Variants in CXCL16 observed in about 807,000 individuals in gnomAD.
CXCL16 encodes C-X-C motif chemokine ligand 16.
Under a neutral mutation model 23.8 loss-of-function variants are expected in CXCL16, and 18 were observed. The ratio of observed to expected loss-of-function variants is 0.76; its 90% confidence interval spans 0.52 to 1.12. The LOEUF (loss-of-function observed/expected upper bound fraction) is 1.12, where lower values mean the gene tolerates loss of function less well. Among genes scored for constraint, CXCL16 ranks in the 50% most tolerant of loss-of-function variants. CXCL16 has a pLI of 0.00. For missense variants in CXCL16, 297 were observed against 315.4 expected, an observed-to-expected ratio of 0.94 and a Z score of 0.44; for synonymous variants, 123 against 132.5, an observed-to-expected ratio of 0.93 and a Z score of 0.49.
At position 4,739,243 on chromosome 17, in the gene CXCL16, G is replaced by C. The variant is rs372669540; in HGVS notation, c.79+18C>G. 2 of 1,581,176 alleles carry C rather than the reference G, an allele frequency of 1.3e-6. No homozygotes were observed. On this transcript the variant is annotated intron_variant, in intron 1 of 5. Coordinates refer to ENST00000293778, the MANE Select transcript of CXCL16 (RefSeq NM_001386809.1). This position sits in a 1 kb window ranked among gnomAD's most constrained non-coding sequence, Gnocchi z 5.3. ...CGTGACAGGGGAATCTGGGTCCCCT[G>C]CCCCGCCCCCGGCTAACCTGGCTGA...
rs902336385 is a variant in CXCL16 at position 4,739,745 on chromosome 17, C to A, written c.-406G>T. ...TCAGGAGGCCGCCCGCCTGGCCCGT[C>A]CGCCGACCTGTGAGGCGGCTGCACT... is the stretch of plus-strand genomic sequence containing the variant. On this transcript the variant is annotated 5_prime_UTR_variant, in exon 1 of 6. Transcript: ENST00000293778. This position sits in a 1 kb window ranked among gnomAD's most constrained non-coding sequence, Gnocchi z 5.3. The A allele has an allele frequency of 9.4e-7, 1 of 1,067,888 alleles. No individual in the cohort carries two copies. Among genetic ancestry groups the A allele is most frequent in the African/African-American group, 1.7e-5 (1 of 59,592 alleles). The allele number at this position is 1,067,888 out of a possible 1,614,324, so 66.2% of individuals were successfully genotyped here.
In CXCL16 at chr17:4,739,830, C is replaced by A; in HGVS notation, c.-491G>T. The stretch of plus-strand genomic sequence containing the variant: ...CTTCCCCGATCCGGGCGCCGCGGGA[C>A]CCAGCCGCGCTGCATGAGCCTCCCG... On this transcript the variant is annotated 5_prime_UTR_variant, in exon 1 of 6. Coordinates refer to ENST00000293778, the MANE Select transcript of CXCL16 (RefSeq NM_001386809.1). The surrounding 1 kb of genome is among the most constrained non-coding windows in gnomAD (Gnocchi z 5.3). 1.0e-6 allele frequency: 1 copy of A among 992,440 alleles called. No homozygotes were observed. The highest frequency in any genetic ancestry group is 1.2e-6 in the Non-Finnish European group (1 of 834,258). 61.5% of individuals were successfully genotyped at this position (992,440 alleles called of 1,614,324 possible).
At chr17:4,735,778 C>G (rs115290412) in intron 3 of CXCL16, among the ~76,000 whole-genome samples, 3 of 152,010 alleles carry the variant, frequency 2.0e-5, no homozygotes, top group African/African-American at 2.4e-5. Flanking sequence ...GCTGTATAGA[C>G]GTATGATTGG....
Position 4,735,196 on chromosome 17 carries a change from G to A in CXCL16, c.614C>T (p.Thr205Ile), listed in dbSNP as rs777151047. ...NAGPTARTSA[T>I]VPVLCLLAII... is the part of the protein sequence containing the mutation. ...GGCCAGGAGGCACAGGACTGGCACTGTGGCTGATGTCCTGGCTGTGGGACC... is the reference window on the plus strand; with the variant it reads ...GGCCAGGAGGCACAGGACTGGCACTATGGCTGATGTCCTGGCTGTGGGACC... The change falls in exon 4 of 6, where the codon ACA (threonine) becomes ATA (isoleucine). Residue 205 changes from threonine to isoleucine, a missense_variant. Thr to Ile is a moderately conservative substitution (Grantham distance 89, BLOSUM62 -1). Coordinates refer to ENST00000293778, the MANE Select transcript of CXCL16 (RefSeq NM_001386809.1). 32 of 1,614,170 alleles carry A rather than the reference G, an allele frequency of 2.0e-5. No homozygotes were observed. Among genetic ancestry groups the A allele is most frequent in the Non-Finnish European group, 2.7e-5 (32 of 1,180,008 alleles).
chr17:4,734,792 A>G (rs1916101785), intron 4 of CXCL16, 140 bp from the exon 5 acceptor site: 4 of 783,158 alleles, frequency 5.1e-6, no homozygotes, highest in Non-Finnish European at 6.6e-6. Flanking sequence ...AAAATTTGTG[A>G]ATTGAATGAC....
In CXCL16 at chr17:4,738,511, C is replaced by A. The variant is rs753324129; in HGVS notation, c.219-21G>T. On this transcript the variant is annotated intron_variant, in intron 2 of 5. Transcript: ENST00000293778. The surrounding 1 kb of genome is among the most constrained non-coding windows in gnomAD (Gnocchi z 4.0). ...GGAACCTGCGGAGGAGAGACCTGGG[C>A]TTAGCTGCGGCGCCTTCTTTCCTTC... 1 of 1,586,960 alleles carries A rather than the reference C, an allele frequency of 6.3e-7. No individual in the cohort carries two copies. Among genetic ancestry groups the A allele is most frequent in the Non-Finnish European group, 8.6e-7 (1 of 1,157,490 alleles).
intron 3 of CXCL16, among the ~76,000 whole-genome samples, chr17:4,737,355 A>C (rs1916183374): frequency 1.4e-5 from 2 of 146,466 alleles, no homozygotes; most frequent in Admixed American, 7.6e-5. Context: ...AGGCAGGTGG[A>C]TCACCTGAGG....
Position 4,739,890 on chromosome 17 carries a change from G to A in CXCL16, c.-551C>T, listed in dbSNP as rs1916302532. 2.0e-6 allele frequency: 2 copies of A among 985,486 alleles called. No individual in the cohort carries two copies. The highest frequency in any genetic ancestry group is 2.4e-6 in the Non-Finnish European group (2 of 830,198). 61.0% of individuals were successfully genotyped at this position (985,486 alleles called of 1,614,324 possible). A position where few individuals can be genotyped will look rare whatever the true frequency, so the allele number is the denominator to read the frequency against. ...GTGGAGAGAGTCGCCGCCAGCCCCG[G>A]CCGCGCGCACCTGCGGGGCAGCCAC... On this transcript the variant is annotated 5_prime_UTR_variant, in exon 1 of 6. Coordinates refer to ENST00000293778, the MANE Select transcript of CXCL16 (RefSeq NM_001386809.1). The surrounding 1 kb of genome is among the most constrained non-coding windows in gnomAD (Gnocchi z 5.3).
chr17:4,739,194 C>T lies in CXCL16; in HGVS notation c.79+67G>A. ...CCACTCAACTCCGTGGGCCTCGTGT[C>T]CCCTCCCCAACTCACCCCCTTCCCG... On this transcript the variant is annotated intron_variant, in intron 1 of 5. Coordinates refer to ENST00000293778, the MANE Select transcript of CXCL16 (RefSeq NM_001386809.1). The surrounding 1 kb of genome is among the most constrained non-coding windows in gnomAD (Gnocchi z 5.3). 2.0e-6 allele frequency: 3 copies of T among 1,533,240 alleles called. No homozygotes were observed. The highest frequency in any genetic ancestry group is 2.6e-6 in the Non-Finnish European group (3 of 1,132,254). 95.0% of individuals were successfully genotyped at this position (1,533,240 alleles called of 1,614,324 possible). A position where few individuals can be genotyped will look rare whatever the true frequency, so the allele number is the denominator to read the frequency against.
Position 4,739,881 on chromosome 17 carries a change from C to T in CXCL16, c.-542G>A. ...GGCGGCCCGGTGGAGAGAGTCGCCG[C>T]CAGCCCCGGCCGCGCGCACCTGCGG... On this transcript the variant is annotated 5_prime_UTR_variant, in exon 1 of 6. Coordinates refer to ENST00000293778, the MANE Select transcript of CXCL16 (RefSeq NM_001386809.1). The surrounding 1 kb of genome is among the most constrained non-coding windows in gnomAD (Gnocchi z 5.3). The T allele has an allele frequency of 2.0e-6, 2 of 985,652 alleles. No homozygotes were observed. Among genetic ancestry groups the T allele is most frequent in the Non-Finnish European group, 2.4e-6 (2 of 830,230 alleles). The allele number at this position is 985,652 out of a possible 1,614,324, so 61.1% of individuals were successfully genotyped here. A position where few individuals can be genotyped will look rare whatever the true frequency, so the allele number is the denominator to read the frequency against.
At chr17:4,737,026 A>C (rs1162570422) in intron 3 of CXCL16, among the ~76,000 whole-genome samples, 5 of 151,878 alleles carry the variant, frequency 3.3e-5, no homozygotes, top group Non-Finnish European at 7.4e-5. Context: ...CATGTTGGTC[A>C]GGCTGGTCTC....
At chr17:4,734,537 T>A (rs373758483) in intron 5 of CXCL16, 46 bp downstream of exon 5, 1 of 1,276,420 alleles carries the variant, frequency 7.8e-7, no homozygotes, top group African/African-American at 1.4e-5. Flanking sequence ...TTGTCAGGGG[T>A]CAGTCTCCTT....
chr17:4,737,963 C>G (rs566268084), intron 3 of CXCL16, among the ~76,000 whole-genome samples: 3 of 150,668 alleles, frequency 2.0e-5, no homozygotes, highest in African/African-American at 7.4e-5. Context: ...AACCCTGTCT[C>G]TACTAAAAAT....
rs867681259 is a variant in CXCL16, at chr17:4,733,543, C to G, written c.*960G>C. On this transcript the variant is annotated 3_prime_UTR_variant, in exon 6 of 6. Transcript: ENST00000293778. ...ATACATACTTCTTCATTCGGAGAGA[C>G]AAAACAAGAACTAGAGTTTTAATGA... The G allele has an allele frequency of 1.0e-5, 2 of 196,820 alleles. No homozygotes were observed. The highest frequency in any genetic ancestry group is 2.1e-5 in the Non-Finnish European group (2 of 96,220). The allele number at this position is 196,820 out of a possible 1,614,324, so 12.2% of individuals were successfully genotyped here. A position where few individuals can be genotyped will look rare whatever the true frequency, so the allele number is the denominator to read the frequency against.
At chr17:4,736,888 G>C (rs377565586) in intron 3 of CXCL16, among the ~76,000 whole-genome samples, 1 of 151,760 alleles carries the variant, frequency 6.6e-6, no homozygotes, top group South Asian at 2.1e-4. Flanking sequence ...GCCTGATCTC[G>C]GCTCACTGCA....
At position 4,738,113 on chromosome 17, in the gene CXCL16, G is replaced by C. The variant is rs1916215866; in HGVS notation, c.301+295C>G. Among the ~76,000 whole-genome samples, 1 of 152,142 alleles carries C rather than the reference G, an allele frequency of 6.6e-6. No homozygotes were observed. Among genetic ancestry groups the C allele is most frequent in the South Asian group, 2.1e-4 (1 of 4,828 alleles). ...CCACTGCACTCCAGCCTGGGTGACA[G>C]AGTGAGACTCCATCTCAAAAAAATA... is the stretch of plus-strand genomic sequence containing the variant. On this transcript the variant is annotated intron_variant, in intron 3 of 5. Coordinates refer to ENST00000293778, the MANE Select transcript of CXCL16 (RefSeq NM_001386809.1). The surrounding 1 kb of genome is among the most constrained non-coding windows in gnomAD (Gnocchi z 4.0).
intron 3 of CXCL16, among the ~76,000 whole-genome samples, chr17:4,736,889 G>A (rs1440631389): frequency 6.6e-6 from 1 of 151,958 alleles, no homozygotes; most frequent in Non-Finnish European, 1.5e-5. Flanking sequence ...CCTGATCTCG[G>A]CTCACTGCAA....
rs368923183 is a variant in CXCL16 at position 4,734,475 on chromosome 17, C to T, written c.*28G>A. The T allele has an allele frequency of 1.3e-5, 9 of 669,164 alleles. No individual in the cohort carries two copies. The highest frequency in any genetic ancestry group is 2.9e-5 in the East Asian group (1 of 34,404). 41.5% of individuals were successfully genotyped at this position (669,164 alleles called of 1,614,324 possible). On this transcript the variant is annotated 3_prime_UTR_variant, in exon 6 of 6. Coordinates refer to ENST00000293778, the MANE Select transcript of CXCL16 (RefSeq NM_001386809.1). Reference sequence around the variant, plus strand: ...ATAACAGCCTGGGCAACATAGAGTCCGTCTCTAAAAAACAAAAAACAAAAA... The same window carrying T: ...ATAACAGCCTGGGCAACATAGAGTCTGTCTCTAAAAAACAAAAAACAAAAA...
chr17:4,739,107 C>T lies in CXCL16; in HGVS notation c.79+154G>A. The T allele has an allele frequency of 8.2e-7, 1 of 1,213,614 alleles. No individual in the cohort carries two copies. 75.2% of individuals were successfully genotyped at this position (1,213,614 alleles called of 1,614,324 possible). A position where few individuals can be genotyped will look rare whatever the true frequency, so the allele number is the denominator to read the frequency against. On this transcript the variant is annotated intron_variant, in intron 1 of 5. Transcript: ENST00000293778. This position sits in a 1 kb window ranked among gnomAD's most constrained non-coding sequence, Gnocchi z 5.3. The stretch of plus-strand genomic sequence containing the variant: ...AATCCCGCCCGGAGCCAGGCGTCCC[C>T]GGGCCTCTGTCCCCAACCCCAGGCG...
Sources: allele counts gnomAD v4.1 joint callset (sites outside exome capture counted in the v4.1 genomes callset), GRCh38; gene constraint gnomAD v4.1.1; non-coding constraint Gnocchi (gnomAD v3.1); transcripts MANE v1.5; gene names NCBI Gene and HGNC (gene_info 2026-07-23, HGNC 2026-07-21).